Variants in POU3F3 observed in about 807,000 individuals in gnomAD.
POU3F3 encodes POU class 3 homeobox 3.
POU3F3 carries 1 observed loss-of-function variant against 8.6 expected under a neutral mutation model. The ratio of observed to expected loss-of-function variants is 0.12; its 90% CI spans 0.04 to 0.55. POU3F3 has a LOEUF of 0.55. POU3F3 is among the 20% of genes least tolerant of loss of function. The pLI is 0.91. For synonymous variants in POU3F3, 418 were observed against 327.4 expected, an observed-to-expected ratio of 1.28 and a Z score of -2.99; for missense variants, 577 against 690.7, an observed-to-expected ratio of 0.84 and a Z score of 1.84.
the POU3F3 span, among the ~76,000 whole-genome samples, chr2:104,926,878 T>C: frequency 2.6e-5 from 4 of 151,926 alleles, no homozygotes; most frequent in African/African-American, 4.8e-5. Flanking sequence ...TTCTCACTCA[T>C]AAGTGGGAGT....
the POU3F3 span, among the ~76,000 whole-genome samples, chr2:104,917,412 T>C: frequency 6.6e-5 from 10 of 152,198 alleles, no homozygotes; most frequent in Non-Finnish European, 1.5e-4. Context: ...AATTCCACTA[T>C]GTTGACTTAG....
the POU3F3 span, among the ~76,000 whole-genome samples, chr2:104,886,584 T>C: frequency 6.7e-6 from 1 of 148,718 alleles, no homozygotes; most frequent in East Asian, 2.0e-4. Flanking sequence ...TCAGGGCAAG[T>C]TCGTAAAGTG....
the POU3F3 span, among the ~76,000 whole-genome samples, chr2:104,891,809 C>G: frequency 5.9e-5 from 9 of 152,188 alleles, no homozygotes; most frequent in Non-Finnish European, 1.3e-4. Context: ...TCCCCGACAT[C>G]AAACATTCCT....
At position 104,857,248 on chromosome 2, in the gene POU3F3, G is replaced by A. The variant is rs1352598172; in HGVS notation, c.*235G>A. ...GAAAACGCGGGAGAAACGGACCAAG[G>A]AGGCATTTTTGCAGTCCAAGGAAGG... is the stretch of plus-strand genomic sequence containing the variant. On this transcript the variant is annotated 3_prime_UTR_variant, in exon 1 of 1. Transcript: ENST00000361360. 3.2e-6 allele frequency: 1 copy of A among 310,344 alleles called. No individual in the cohort carries two copies. The highest frequency in any genetic ancestry group is 4.7e-6 in the Non-Finnish European group (1 of 210,990). The allele number at this position is 310,344 out of a possible 1,614,324, so 19.2% of individuals were successfully genotyped here. A position where few individuals can be genotyped will look rare whatever the true frequency, so the allele number is the denominator to read the frequency against.
the POU3F3 span, among the ~76,000 whole-genome samples, chr2:104,896,067 G>A: frequency 6.6e-6 from 1 of 152,180 alleles, no homozygotes; most frequent in East Asian, 1.9e-4. Context: ...GCGGCAGGGA[G>A]CAGGAACTCG....
At chr2:104,913,512 A>C in the POU3F3 span, among the ~76,000 whole-genome samples, 1 of 152,156 alleles carries the variant, frequency 6.6e-6, no homozygotes, top group Admixed American at 6.5e-5. Context: ...AGAGCTAAAA[A>C]TGCAGGTACT....
chr2:104,867,275 T>C, the POU3F3 span: 1 of 152,170 alleles, frequency 6.6e-6, no homozygotes, highest in Admixed American at 6.5e-5. This position sits in a 1 kb window ranked among gnomAD's most constrained non-coding sequence, Gnocchi z 5.0. Context: ...AGAGGGCAGT[T>C]GATCCTGGGC....
chr2:104,906,160 T>C, the POU3F3 span, among the ~76,000 whole-genome samples: 3 of 152,256 alleles, frequency 2.0e-5, no homozygotes, highest in South Asian at 4.1e-4. Context: ...AAATAGAGCA[T>C]ATTCATTTTT....
At chr2:104,890,337 T>C in the POU3F3 span, among the ~76,000 whole-genome samples, 4 of 152,046 alleles carry the variant, frequency 2.6e-5, no homozygotes, top group African/African-American at 9.7e-5. Flanking sequence ...TAAATTCTGC[T>C]CCTCACCCTT....
chr2:104,856,383 C>T lies in POU3F3; in HGVS notation c.873C>T (p.Pro291=), dbSNP rs763440005. ...HPPHPHHAQG[P]PHHGGGGGGA... is the part of the protein sequence containing the mutation. ...CGCACCCGCACCACGCGCAGGGACC[C>T]CCGCACCACGGCGGCGGCGGCGGCG... The change falls in exon 1 of 1, where the codon CCC becomes CCT. Residue 291 remains proline (P), a synonymous_variant. Transcript: ENST00000361360. The T allele has an allele frequency of 5.8e-6, 9 of 1,558,008 alleles. No individual in the cohort carries two copies. The highest frequency in any genetic ancestry group is 1.4e-5 in the African/African-American group (1 of 73,228).
the POU3F3 span, among the ~76,000 whole-genome samples, chr2:104,895,389 C>T: frequency 1.3e-5 from 2 of 152,140 alleles, no homozygotes; most frequent in African/African-American, 4.8e-5. Flanking sequence ...TGCTTTCTAC[C>T]TTATGGTTGT....
chr2:104,871,923 G>A, the POU3F3 span, among the ~76,000 whole-genome samples: 1 of 152,160 alleles, frequency 6.6e-6, no homozygotes, highest in African/African-American at 2.4e-5. Context: ...CAGGAAGAGG[G>A]TCAGCGACGG....
chr2:104,924,452 G>A, the POU3F3 span, among the ~76,000 whole-genome samples: 2 of 152,154 alleles, frequency 1.3e-5, no homozygotes, highest in Non-Finnish European at 2.9e-5. Flanking sequence ...TAAGGTTATG[G>A]AAAGACCCAT....
At chr2:104,912,288 G>C in the POU3F3 span, among the ~76,000 whole-genome samples, 1 of 152,182 alleles carries the variant, frequency 6.6e-6, no homozygotes. Flanking sequence ...GGGAGTTTGG[G>C]GCTGGGGAAG....
chr2:104,862,790 A>G (rs551535096), downstream of POU3F3, among the ~76,000 whole-genome samples: 1 of 152,330 alleles, frequency 6.6e-6, no homozygotes, highest in African/African-American at 2.4e-5. Context: ...AAGAATATGC[A>G]AGCTTTTTGT....
the POU3F3 span, among the ~76,000 whole-genome samples, chr2:104,887,575 T>C: frequency 6.6e-6 from 1 of 152,222 alleles, no homozygotes. Flanking sequence ...AATTGCTGAT[T>C]GTCCCCAGCC....
chr2:104,902,783 A>G, the POU3F3 span, among the ~76,000 whole-genome samples: 2 of 152,254 alleles, frequency 1.3e-5, no homozygotes, highest in Non-Finnish European at 2.9e-5. Flanking sequence ...AATAATTTTT[A>G]TAATGGTGGT....
the POU3F3 span, among the ~76,000 whole-genome samples, chr2:104,881,813 G>A: frequency 6.6e-6 from 1 of 152,200 alleles, no homozygotes; most frequent in Admixed American, 6.5e-5. Context: ...GGTGCTGCAT[G>A]AACACGTAGC....
chr2:104,898,697 T>C, the POU3F3 span, among the ~76,000 whole-genome samples: 582 of 152,370 alleles, frequency 3.8e-3, 8 homozygotes, highest in African/African-American at 0.013. Flanking sequence ...TGAATTTTTC[T>C]GCTTGAATTT....
Sources: gnomAD v4.1 joint callset for allele counts (sites outside exome capture counted in the v4.1 genomes callset) on GRCh38, gnomAD v4.1.1 for gene constraint, Gnocchi (gnomAD v3.1) non-coding constraint, MANE v1.5 for transcripts, NCBI Gene and HGNC (gene_info 2026-07-23, HGNC 2026-07-21) for gene names.